Variants in GPM6A observed in about 807,000 individuals in gnomAD.
GPM6A encodes glycoprotein M6A.
GPM6A carries 7 observed loss-of-function variants against 32.1 expected under a neutral mutation model. The observed-to-expected ratio is 0.22, with a 90% CI of 0.12 to 0.41. The LOEUF (loss-of-function observed/expected upper bound fraction) is 0.41. GPM6A is among the 10% of genes least tolerant of loss of function. The probability of loss-of-function intolerance (pLI) is 1.00; values close to 1 mark genes in which losing one functional copy is unlikely to be tolerated. For missense variants in GPM6A, 235 were observed against 347.2 expected (o/e 0.68, Z 2.57); for synonymous variants, 130 against 123.4 (o/e 1.05, Z -0.35).
chr4:175,984,791 T>G (rs1031347731), intron 1 of GPM6A, among the ~76,000 whole-genome samples: 3 of 152,146 alleles, frequency 2.0e-5, no homozygotes, highest in Non-Finnish European at 2.9e-5. Context: ...TAGGGTAAGA[T>G]AGGGATATGT....
intron 1 of GPM6A, among the ~76,000 whole-genome samples, chr4:175,936,306 C>CAAAAAAAAAAAAAAAAAA (rs35653197): frequency 2.2e-5 from 1 of 45,600 alleles, no homozygotes; most frequent in Non-Finnish European, 3.7e-5. Context: ...ACTCTGTCTC[C>CAAAAAAAAAAAAAAAAAA]AAAAAAAAAA....
At chr4:175,737,524 A>C (rs1731712087) in intron 1 of GPM6A, among the ~76,000 whole-genome samples, 1 of 152,164 alleles carries the variant, frequency 6.6e-6, no homozygotes, top group Admixed American at 6.5e-5. Flanking sequence ...ACTTTAGATA[A>C]TTTATTCCTT....
rs6823322 is a variant in GPM6A, at chr4:175,838,116, C to G, written c.-22-25867G>C. Among the ~76,000 whole-genome samples, 494 of 68,592 alleles carry G rather than the reference C, an allele frequency of 7.2e-3. 1 individual carries two copies. The highest frequency in any genetic ancestry group is 0.017 in the African/African-American group (361 of 21,046). 45.0% of individuals were successfully genotyped at this position (68,592 alleles called of 152,430 possible). On this transcript the variant is annotated intron_variant, in intron 1 of 7. Coordinates refer to the GPM6A transcript ENST00000280187. Reference sequence around the variant, plus strand: ...ACACACACACACACACACACAGACACACACACACACACACACACACACACG... The same window carrying G: ...ACACACACACACACACACACAGACAGACACACACACACACACACACACACG...
At chr4:175,712,546 T>G (rs1197008372) in intron 1 of GPM6A, among the ~76,000 whole-genome samples, 1 of 152,216 alleles carries the variant, frequency 6.6e-6, no homozygotes, top group East Asian at 1.9e-4. Flanking sequence ...CAATTCGAAG[T>G]TAGCTTTAAG....
chr4:175,858,675 A>C (rs1160657225), intron 1 of GPM6A, among the ~76,000 whole-genome samples: 1 of 152,214 alleles, frequency 6.6e-6, no homozygotes. Context: ...AAATTTATTG[A>C]AACTTAAAAA....
chr4:175,884,898 G>A (rs1433119523), intron 1 of GPM6A, among the ~76,000 whole-genome samples: 2 of 152,096 alleles, frequency 1.3e-5, no homozygotes, highest in Non-Finnish European at 2.9e-5. Context: ...AAAATCTACT[G>A]TTTTCAAATT....
chr4:175,836,271 C>T (rs1465773479), intron 1 of GPM6A, among the ~76,000 whole-genome samples: 3 of 152,132 alleles, frequency 2.0e-5, no homozygotes, highest in African/African-American at 7.2e-5. Context: ...GTCTCGGTTC[C>T]ATTTTCTTCT....
intron 1 of GPM6A, among the ~76,000 whole-genome samples, chr4:175,745,242 A>G (rs1480834039): frequency 6.6e-6 from 1 of 152,216 alleles, no homozygotes; most frequent in Non-Finnish European, 1.5e-5. Flanking sequence ...AACATCGCCT[A>G]AGACTACAGG....
chr4:175,815,889 G>C (rs2111340193), upstream of GPM6A, among the ~76,000 whole-genome samples: 1 of 152,000 alleles, frequency 6.6e-6, no homozygotes, highest in Admixed American at 6.5e-5. Context: ...AGTTAATTTT[G>C]TATTTTTAGC....
intron 1 of GPM6A, among the ~76,000 whole-genome samples, chr4:175,712,450 T>A (rs1745608995): frequency 1.3e-5 from 2 of 152,196 alleles, no homozygotes; most frequent in South Asian, 4.1e-4. Context: ...GAAAAAGTCA[T>A]CATCAGAGAA....
chr4:175,652,066 C>CTCTAAA, intron 3 of GPM6A, 79 bp from the exon 4 acceptor site: 1 of 1,087,164 alleles, frequency 9.2e-7, no homozygotes. Context: ...TGCAAAGCTC[C>CTCTAAA]ATTATAGGAA....
chr4:175,768,990 G>A (rs1430317803), intron 1 of GPM6A, among the ~76,000 whole-genome samples: 1 of 152,072 alleles, frequency 6.6e-6, no homozygotes, highest in African/African-American at 2.4e-5. Flanking sequence ...AGCTATTCAG[G>A]AGGCTGAGGC....
At chr4:175,984,599 G>C (rs2126448824) in intron 1 of GPM6A, among the ~76,000 whole-genome samples, 2 of 152,102 alleles carry the variant, frequency 1.3e-5, no homozygotes, top group East Asian at 3.9e-4. Context: ...TCATAGAAGT[G>C]CTTTACATTT....
At chr4:175,671,993 AAAAAG>A (rs1472630639) in intron 3 of GPM6A, among the ~76,000 whole-genome samples, 1 of 128,788 alleles carries the variant, frequency 7.8e-6, no homozygotes, top group Non-Finnish European at 1.8e-5. Context: ...AGAAAAAAAA[AAAAAG>A]AAAGAAAGAA....
chr4:175,654,983 A>G (rs936681854), intron 3 of GPM6A, among the ~76,000 whole-genome samples: 7 of 152,134 alleles, frequency 4.6e-5, no homozygotes, highest in African/African-American at 1.7e-4. Context: ...TGTTCACTGT[A>G]GAATGGGACT....
At chr4:175,880,701 T>A (rs1737244699) in intron 1 of GPM6A, among the ~76,000 whole-genome samples, 1 of 152,184 alleles carries the variant, frequency 6.6e-6, no homozygotes, top group Non-Finnish European at 1.5e-5. Flanking sequence ...CTGTTATTGG[T>A]GTATAAGACT....
At chr4:175,968,518 A>G (rs569344975) in intron 1 of GPM6A, among the ~76,000 whole-genome samples, 22 of 152,334 alleles carry the variant, frequency 1.4e-4, no homozygotes, top group Admixed American at 2.0e-4. Flanking sequence ...AAATCTTTGC[A>G]AAACACATAT....
At position 175,790,942 on chromosome 4, in the gene GPM6A, T is replaced by G. The variant is rs76838708; in HGVS notation, c.37+21249A>C. ...AAATGTTTTAGCTTCACTTGGGTATTTACTATATTTACAATTAAAGTTTGC... is the reference window on the plus strand; with the variant it reads ...AAATGTTTTAGCTTCACTTGGGTATGTACTATATTTACAATTAAAGTTTGC... On this transcript the variant is annotated intron_variant, in intron 1 of 6. Transcript: ENST00000393658. 2.5e-3 allele frequency among the ~76,000 whole-genome samples: 374 copies of G among 152,332 alleles called. 2 individuals are homozygous for G. Among genetic ancestry groups the G allele is most frequent in the African/African-American group, 8.4e-3 (351 of 41,580 alleles).
chr4:175,701,811 T>G, intron 1 of GPM6A, 44 bp from the exon 2 acceptor site: 2 of 1,433,772 alleles, frequency 1.4e-6, no homozygotes, highest in Non-Finnish European at 1.9e-6. Context: ...TTTGTTAACC[T>G]AATTTAATTT....
Sources: gnomAD v4.1 joint callset for allele counts (sites outside exome capture counted in the v4.1 genomes callset) on GRCh38, gnomAD v4.1.1 for gene constraint, MANE v1.5 for transcripts, NCBI Gene and HGNC (gene_info 2026-07-23, HGNC 2026-07-21) for gene names.